FHOD1: variants seen among roughly 807,000 people sequenced by gnomAD.
FHOD1 encodes FH1/FH2 domain-containing protein 1.
FHOD1 carries 89 observed loss-of-function variants against 111.6 expected under a neutral mutation model. The ratio of observed to expected loss-of-function variants is 0.80; its 90% CI spans 0.67 to 0.95. The LOEUF (loss-of-function observed/expected upper bound fraction) is 0.95, where lower values mean the gene tolerates loss of function less well. Among genes scored for constraint, FHOD1 ranks in the 40% least tolerant of loss-of-function variants. FHOD1 has a pLI of 0.00. For missense variants in FHOD1, 1,446 were observed against 1,554.2 expected (o/e 0.93, Z 1.17); for synonymous variants, 618 against 639.0 (o/e 0.97, Z 0.50).
intron 11 of FHOD1, chr16:67,236,076 AG>A (rs1298263019): frequency 7.2e-6 from 7 of 967,070 alleles, no homozygotes; most frequent in African/African-American, 5.3e-5. Flanking sequence ...GGCCCTGGGT[AG>A]GGGGGATGAG....
chr16:67,229,866 C>G lies in FHOD1; in HGVS notation c.3339G>C (p.Gln1113His). The change falls in exon 21 of 22, where the codon CAG (glutamine) becomes CAC (histidine). Residue 1113 changes from glutamine to histidine, a missense_variant. This residue lies in a region of FHOD1 where 1,085 missense variants were observed against 1,108.8 expected (regional missense o/e 0.98). Transcript: ENST00000258201. ...CACGAGGACTGCTCTTGGTCACTGACTGCACCAGAAGGTCCATGATCTCAT... is the reference window on the plus strand; with the variant it reads ...CACGAGGACTGCTCTTGGTCACTGAGTGCACCAGAAGGTCCATGATCTCAT... ...TSDEIMDLLV[Q>H]SVTKSSPRAL... 1 of 1,614,250 alleles carries G rather than the reference C, an allele frequency of 6.2e-7. No individual in the cohort carries two copies. Among genetic ancestry groups the G allele is most frequent in the Non-Finnish European group, 8.5e-7 (1 of 1,180,046 alleles).
At position 67,229,618 on chromosome 16, in the gene FHOD1, T is replaced by A; in HGVS notation, c.*18A>T. ...ACTGCAGTCCAGGGTCCAGATAGAT[T>A]TCCGGGATACAGCACCTTCACACCT... is the stretch of plus-strand genomic sequence containing the variant. On this transcript the variant is annotated 3_prime_UTR_variant, in exon 22 of 22. Transcript: ENST00000258201. 2 of 1,611,348 alleles carry A rather than the reference T, an allele frequency of 1.2e-6. No homozygotes were observed. Among genetic ancestry groups the A allele is most frequent in the Non-Finnish European group, 1.7e-6 (2 of 1,177,474 alleles).
Position 67,230,357 on chromosome 16 carries a change from G to T in FHOD1, c.3008C>A (p.Thr1003Lys). 6.2e-7 allele frequency: 1 copy of T among 1,614,252 alleles called. No individual in the cohort carries two copies. Among genetic ancestry groups the T allele is most frequent in the Non-Finnish European group, 8.5e-7 (1 of 1,180,038 alleles). The change falls in exon 19 of 22, where the codon ACA becomes AAA. Residue 1003 changes from threonine (T) to lysine (K), a missense_variant. Transcript: ENST00000258201. Reference protein sequence around the residue: ...RVLQQQQKQATYRERNKTRGR... With the variant: ...RVLQQQQKQAKYRERNKTRGR... Reference sequence around the variant, plus strand: ...CCGGGTCTTGTTGCGCTCACGGTATGTGGCCTGCTTCTGCTGCTGCTGTAG... The same window carrying T: ...CCGGGTCTTGTTGCGCTCACGGTATTTGGCCTGCTTCTGCTGCTGCTGTAG...
Position 67,230,796 on chromosome 16 carries a change from G to A in FHOD1, c.2668-5C>T. The A allele has an allele frequency of 6.3e-7, 1 of 1,582,002 alleles. No homozygotes were observed. The highest frequency in any genetic ancestry group is 1.2e-5 in the South Asian group (1 of 85,764). On this transcript the variant is annotated splice_region_variant and splice_polypyrimidine_tract_variant and intron_variant, in intron 17 of 21. Coordinates refer to ENST00000258201, the MANE Select transcript of FHOD1 (RefSeq NM_013241.3). ...AGTCAGCTGTTCAAAGTCCACCTGA[G>A]AAAGCAAGGGGGTGCACATACTGTC... is the stretch of plus-strand genomic sequence containing the variant.
At chr16:67,239,547 G>A in intron 1 of FHOD1, 93 bp from the exon 2 acceptor site, 1 of 874,328 alleles carries the variant, frequency 1.1e-6, no homozygotes, top group Non-Finnish European at 1.9e-6. Context: ...TTGAAGGGTG[G>A]CAGAGAGACA....
chr16:67,239,229 T>G, intron 2 of FHOD1, 119 bp downstream of exon 2: 1 of 848,132 alleles, frequency 1.2e-6, no homozygotes. Flanking sequence ...CACACTTCCC[T>G]GGGGCAGGAG....
In FHOD1 at chr16:67,237,654, G is replaced by T. The variant is rs933376090; in HGVS notation, c.754+3C>A. ...GTGGGGGGAGAAAGGGACAGTCTCTGACCGGTGGTGCTGGCCACAGAGTTC... is the reference window on the plus strand; with the variant it reads ...GTGGGGGGAGAAAGGGACAGTCTCTTACCGGTGGTGCTGGCCACAGAGTTC... On this transcript the variant is annotated splice_donor_region_variant and intron_variant, in intron 7 of 21. Coordinates refer to ENST00000258201, the MANE Select transcript of FHOD1 (RefSeq NM_013241.3). The surrounding 1 kb of genome is among the most constrained non-coding windows in gnomAD (Gnocchi z 5.6). 2.0e-5 allele frequency: 32 copies of T among 1,613,934 alleles called. No homozygotes were observed. The highest frequency in any genetic ancestry group is 2.7e-5 in the Non-Finnish European group (32 of 1,179,906).
At chr16:67,245,854 G>A (rs1056786662) in intron 1 of FHOD1, among the ~76,000 whole-genome samples, 2 of 152,094 alleles carry the variant, frequency 1.3e-5, no homozygotes, top group Non-Finnish European at 2.9e-5. Flanking sequence ...TTCAGGATCC[G>A]GACTTTAGGA....
Position 67,229,511 on chromosome 16 carries a change from A to T in FHOD1, c.*125T>A. The T allele has an allele frequency of 1.2e-6, 1 of 824,276 alleles. No homozygotes were observed. Among genetic ancestry groups the T allele is most frequent in the Non-Finnish European group, 2.1e-6 (1 of 479,380 alleles). The allele number at this position is 824,276 out of a possible 1,614,324, so 51.1% of individuals were successfully genotyped here. Reference sequence around the variant, plus strand: ...TCACATGCATACACACACGGCTAATACTGCTCAAGGCATGGCTCCTGGGCA... The same window carrying T: ...TCACATGCATACACACACGGCTAATTCTGCTCAAGGCATGGCTCCTGGGCA... On this transcript the variant is annotated 3_prime_UTR_variant, in exon 22 of 22. Coordinates refer to ENST00000258201, the MANE Select transcript of FHOD1 (RefSeq NM_013241.3).
intron 13 of FHOD1, among the ~76,000 whole-genome samples, chr16:67,233,244 G>A (rs930021639): frequency 2.0e-5 from 3 of 151,714 alleles, no homozygotes; most frequent in Admixed American, 1.3e-4. Flanking sequence ...CCGCCACCAC[G>A]CTTGGCTAAT....
rs777525263 is a variant in FHOD1 at position 67,239,351 on chromosome 16, AT to A, written c.304del (p.Ile102SerfsTer9). 9.3e-6 allele frequency: 15 copies of A among 1,613,686 alleles called. No individual in the cohort carries two copies. Among genetic ancestry groups the A allele is most frequent in the Non-Finnish European group, 1.2e-5 (14 of 1,179,662 alleles). ...CCCTGGCCCCATCAGTTCTGACCTG[AT>A]CTCTTCATAGAAGCCCTCCAGCATC... is the stretch of plus-strand genomic sequence containing the variant. ...REMLEGFYEE[I>X]SKGRKPTLIL... On this transcript the variant is annotated frameshift_variant, in exon 2 of 22. Transcript: ENST00000258201. LOFTEE classifies it high-confidence loss of function.
At chr16:67,245,999 G>T (rs2034809765) in intron 1 of FHOD1, among the ~76,000 whole-genome samples, 1 of 152,220 alleles carries the variant, frequency 6.6e-6, no homozygotes, top group Admixed American at 6.5e-5. Flanking sequence ...GGCAAGAGAA[G>T]CGGGGGCTGA....
chr16:67,238,793 G>T lies in FHOD1; in HGVS notation c.373+110C>A, dbSNP rs1597327325. The T allele has an allele frequency of 5.9e-6, 6 of 1,013,894 alleles. No homozygotes were observed. In the East Asian group the frequency reaches 1.2e-4, roughly 20 times the overall value. The allele number at this position is 1,013,894 out of a possible 1,614,324, so 62.8% of individuals were successfully genotyped here. A position where few individuals can be genotyped will look rare whatever the true frequency, so the allele number is the denominator to read the frequency against. On this transcript the variant is annotated intron_variant, in intron 3 of 21. Coordinates refer to ENST00000258201, the MANE Select transcript of FHOD1 (RefSeq NM_013241.3). The surrounding 1 kb of genome is among the most constrained non-coding windows in gnomAD (Gnocchi z 4.2). ...GAGGTCAGGATAGGGAGAGGAAGGA[G>T]CACATACAGCTAAACCTACTTTGCT...
At position 67,238,422 on chromosome 16, in the gene FHOD1, A is replaced by G. The variant is rs1228601628; in HGVS notation, c.399T>C (p.Pro133=). The change falls in exon 4 of 22, where the codon CCT becomes CCC. Residue 133 remains proline, a synonymous_variant. Coordinates refer to ENST00000258201, the MANE Select transcript of FHOD1 (RefSeq NM_013241.3). This position sits in a 1 kb window ranked among gnomAD's most constrained non-coding sequence, Gnocchi z 4.2. ...ILEKLYSSSG[P]ELRRSLFSLK... ...GTGAGAAGAGGGAGCGGCGGAGCTC[A>G]GGACCACTGGAGCTATACAGCTTTT... 2.5e-6 allele frequency: 4 copies of G among 1,614,002 alleles called. No homozygotes were observed. The African/African-American group carries it at 4.0e-5, about 16-fold the overall frequency.
At position 67,231,245 on chromosome 16, in the gene FHOD1, G is replaced by C; in HGVS notation, c.2610C>G (p.Thr870=). The C allele has an allele frequency of 6.2e-7, 1 of 1,614,188 alleles. No homozygotes were observed. The highest frequency in any genetic ancestry group is 8.5e-7 in the Non-Finnish European group (1 of 1,180,032). Residue 870 remains threonine (T), a synonymous_variant, in exon 17 of 22, where the codon ACC becomes ACG. Coordinates refer to ENST00000258201, the MANE Select transcript of FHOD1 (RefSeq NM_013241.3). This position sits in a 1 kb window ranked among gnomAD's most constrained non-coding sequence, Gnocchi z 4.3. ...AATAGAGGTCAGAGGACTCAGGCCG[G>C]GTCTGGAGCACTAGGGAGCAGAGAT... The part of the protein sequence containing the change: ...LHHLCSLVLQ[T]RPESSDLYSE...
intron 13 of FHOD1, among the ~76,000 whole-genome samples, chr16:67,233,211 C>T (rs1597318963): frequency 1.3e-5 from 2 of 152,096 alleles, no homozygotes; most frequent in East Asian, 1.9e-4. Flanking sequence ...CTCAGCCTCC[C>T]GAGTAGCTGG....
At chr16:67,239,524 T>A in intron 1 of FHOD1, 70 bp from the exon 2 acceptor site, 1 of 1,096,366 alleles carries the variant, frequency 9.1e-7, no homozygotes, top group Admixed American at 1.7e-5. Context: ...ACCCCTGACC[T>A]CTTACCTACC....
Position 67,231,587 on chromosome 16 carries a change from C to T in FHOD1, c.2386-38G>A. On this transcript the variant is annotated intron_variant, in intron 15 of 21. Coordinates refer to ENST00000258201, the MANE Select transcript of FHOD1 (RefSeq NM_013241.3). The surrounding 1 kb of genome is among the most constrained non-coding windows in gnomAD (Gnocchi z 4.3). The stretch of plus-strand genomic sequence containing the variant: ...ACCAGGGACTCTCAGACTACATGGT[C>T]ATGATGCTTACCTGTCCCTACTGAC... 6.2e-7 allele frequency: 1 copy of T among 1,614,124 alleles called. No individual in the cohort carries two copies. Among genetic ancestry groups the T allele is most frequent in the Non-Finnish European group, 8.5e-7 (1 of 1,180,032 alleles).
intron 1 of FHOD1, 165 bp downstream of exon 1, chr16:67,247,045 G>C (rs573875864): frequency 6.0e-4 from 443 of 743,792 alleles, no homozygotes; most frequent in Non-Finnish European, 8.3e-4. Flanking sequence ...ACTTGAGAGG[G>C]GACTCCCCCG....
Sources: gnomAD v4.1 joint callset for allele counts (sites outside exome capture counted in the v4.1 genomes callset) on GRCh38, gnomAD v4.1.1 for gene constraint, gnomAD v4.1.1 regional missense constraint, Gnocchi (gnomAD v3.1) non-coding constraint, MANE v1.5 for transcripts, NCBI Gene and HGNC (gene_info 2026-07-23, HGNC 2026-07-21) for gene names.